Variants in SLC2A13 observed in about 807,000 individuals in gnomAD.
SLC2A13 encodes solute carrier family 2 member 13.
In SLC2A13, 32 loss-of-function variants were observed where a neutral mutation model predicts 64.4. That is an observed-to-expected ratio of 0.50 (90% CI 0.37 to 0.67). SLC2A13 has a LOEUF of 0.67. Ranked by LOEUF, SLC2A13 falls within the 30% of genes least tolerant of loss-of-function variation. The pLI is 0.00. For missense variants in SLC2A13, 743 were observed against 829.2 expected (o/e 0.90, Z 1.28); for synonymous variants, 338 against 327.1 (o/e 1.03, Z -0.36).
At position 39,760,261 on chromosome 12, in the gene SLC2A13, G is replaced by C; in HGVS notation, c.1721-9C>G. On this transcript the variant is annotated splice_polypyrimidine_tract_variant and intron_variant, in intron 9 of 9. Coordinates refer to ENST00000280871, the MANE Select transcript of SLC2A13 (RefSeq NM_052885.4). The stretch of plus-strand genomic sequence containing the variant: ...ATAGAGGAAGAAAGCTCCTGCAACG[G>C]AATATAATAGATACATGAATATGAA... The C allele has an allele frequency of 6.3e-7, 1 of 1,595,838 alleles. No homozygotes were observed. Among genetic ancestry groups the C allele is most frequent in the Non-Finnish European group, 8.6e-7 (1 of 1,166,530 alleles).
At chr12:40,086,687 C>T (rs1938596711) in intron 1 of SLC2A13, among the ~76,000 whole-genome samples, 1 of 152,146 alleles carries the variant, frequency 6.6e-6, no homozygotes, top group Non-Finnish European at 1.5e-5. Context: ...TTGTTGTCTC[C>T]TATCCACAAG....
chr12:39,895,877 TGTATATGCGTGTATATGCAC>T (rs1305166156), intron 4 of SLC2A13, among the ~76,000 whole-genome samples: 28,878 of 122,416 alleles, frequency 0.24, 11,130 homozygotes, highest in East Asian at 0.51. Flanking sequence ...CACACACATA[TGTATATGCGTGTATATGCAC>T]ACACATATGT....
chr12:39,952,923 A>G (rs1451495103), intron 3 of SLC2A13, among the ~76,000 whole-genome samples: 1 of 152,196 alleles, frequency 6.6e-6, no homozygotes, highest in Non-Finnish European at 1.5e-5. Flanking sequence ...AAAATAAGCA[A>G]GGCACTACCT....
At chr12:40,099,421 C>T (rs150895619) in intron 1 of SLC2A13, among the ~76,000 whole-genome samples, 1,640 of 152,252 alleles carry the variant, frequency 0.011, 124 homozygotes, top group Admixed American at 0.095. Flanking sequence ...AAGATGGCAA[C>T]GACTGCTTGC....
In SLC2A13 at chr12:39,759,537, G is replaced by A. The variant is rs1005266409; in HGVS notation, c.*489C>T. The A allele has an allele frequency of 6.5e-6, 1 of 152,960 alleles. No individual in the cohort carries two copies. Among genetic ancestry groups the A allele is most frequent in the African/African-American group, 2.4e-5 (1 of 41,406 alleles). The allele number at this position is 152,960 out of a possible 1,614,324, so 9.5% of individuals were successfully genotyped here. A position where few individuals can be genotyped will look rare whatever the true frequency, so the allele number is the denominator to read the frequency against. Reference sequence around the variant, plus strand: ...TGAAAGCTTACATGGAATTTAGTTTGTAACAGCTGATCAGAGATAAGCCAC... The same window carrying A: ...TGAAAGCTTACATGGAATTTAGTTTATAACAGCTGATCAGAGATAAGCCAC... On this transcript the variant is annotated 3_prime_UTR_variant, in exon 10 of 10. Transcript: ENST00000280871.
intron 7 of SLC2A13, among the ~76,000 whole-genome samples, chr12:39,823,023 A>G (rs947644040): frequency 1.3e-5 from 2 of 152,212 alleles, no homozygotes; most frequent in African/African-American, 4.8e-5. Context: ...AAGGGAGTCT[A>G]AATTTCTGAA....
At chr12:40,078,088 C>T (rs1379372513) in intron 1 of SLC2A13, among the ~76,000 whole-genome samples, 1 of 152,124 alleles carries the variant, frequency 6.6e-6, no homozygotes, top group Admixed American at 6.5e-5. Context: ...ACAATTATAT[C>T]ATCTGTAGAT....
intron 3 of SLC2A13, among the ~76,000 whole-genome samples, chr12:39,999,537 T>A (rs904507928): frequency 2.0e-5 from 3 of 152,130 alleles, no homozygotes; most frequent in Non-Finnish European, 4.4e-5. Flanking sequence ...TCAGGCTAAT[T>A]AGGGTGGGAA....
chr12:39,812,468 T>C (rs1942205680), intron 7 of SLC2A13, among the ~76,000 whole-genome samples: 1 of 151,472 alleles, frequency 6.6e-6, no homozygotes, highest in African/African-American at 2.4e-5. Flanking sequence ...TTCTCCTTTC[T>C]TTCTCCCCTT....
intron 3 of SLC2A13, among the ~76,000 whole-genome samples, chr12:39,988,541 AAAG>A (rs1173321589): frequency 2.7e-5 from 4 of 150,422 alleles, no homozygotes; most frequent in African/African-American, 9.8e-5. Context: ...AAGAAAGAAA[AAAG>A]AAAACAAAGG....
intron 3 of SLC2A13, among the ~76,000 whole-genome samples, chr12:40,027,314 C>T (rs567155055): frequency 6.6e-5 from 10 of 152,164 alleles, no homozygotes; most frequent in Non-Finnish European, 1.0e-4. Context: ...GCTCAAAAAG[C>T]GTTAAAAAAA....
intron 3 of SLC2A13, among the ~76,000 whole-genome samples, chr12:39,986,645 C>A (rs1367966802): frequency 1.3e-5 from 2 of 151,302 alleles, no homozygotes; most frequent in African/African-American, 4.9e-5. Context: ...CTGTATTTAA[C>A]CTGTATTTAA....
In SLC2A13 at chr12:39,830,208, A is replaced by G; in HGVS notation, c.1340T>C (p.Leu447Ser). 6.2e-7 allele frequency: 1 copy of G among 1,613,494 alleles called. No individual in the cohort carries two copies. Reference protein sequence around the residue: ...TRYSYCNECMLDPDCGFCYKM... With the variant: ...TRYSYCNECMSDPDCGFCYKM... ...GTAGCAGAAACCGCAGTCTGGATCC[A>G]ACATACATTCATTACAGTAACTGAA... Residue 447 changes from leucine (L) to serine (S), a missense_variant, in exon 7 of 10, where the codon TTG becomes TCG. Physicochemically the swap from Leu to Ser is moderately radical, Grantham distance 145. Coordinates refer to ENST00000280871, the MANE Select transcript of SLC2A13 (RefSeq NM_052885.4).
At chr12:39,976,751 A>G (rs1408445339) in intron 3 of SLC2A13, among the ~76,000 whole-genome samples, 1 of 152,068 alleles carries the variant, frequency 6.6e-6, no homozygotes, top group African/African-American at 2.4e-5. Context: ...TGGAGAACCA[A>G]ACTGACTTTA....
intron 3 of SLC2A13, among the ~76,000 whole-genome samples, chr12:40,026,120 C>T (rs1592018358): frequency 6.6e-6 from 1 of 152,172 alleles, no homozygotes; most frequent in African/African-American, 2.4e-5. Flanking sequence ...TGCAATAATG[C>T]TCTTAACTGC....
chr12:39,889,600 T>C (rs903662910), intron 4 of SLC2A13, among the ~76,000 whole-genome samples: 1 of 149,016 alleles, frequency 6.7e-6, no homozygotes, highest in African/African-American at 2.5e-5. Flanking sequence ...TAGCACCATC[T>C]TGGCACACCA....
chr12:39,851,551 G>C (rs1420311500), intron 6 of SLC2A13, among the ~76,000 whole-genome samples: 1 of 152,140 alleles, frequency 6.6e-6, no homozygotes, highest in Admixed American at 6.5e-5. Context: ...GTTTGGTCTA[G>C]GCTAAAATTA....
chr12:40,026,632 G>C (rs1404185381), intron 3 of SLC2A13, among the ~76,000 whole-genome samples: 3 of 152,164 alleles, frequency 2.0e-5, no homozygotes, highest in Non-Finnish European at 4.4e-5. Flanking sequence ...CCCTAAACAA[G>C]AAGGCTTTTA....
At chr12:39,970,933 G>A (rs1289594652) in intron 3 of SLC2A13, among the ~76,000 whole-genome samples, 1 of 152,058 alleles carries the variant, frequency 6.6e-6, no homozygotes, top group African/African-American at 2.4e-5. Context: ...TCATGTAACG[G>A]ACTGCATTTT....
Sources: gnomAD v4.1 joint callset for allele counts (sites outside exome capture counted in the v4.1 genomes callset) on GRCh38, gnomAD v4.1.1 for gene constraint, MANE v1.5 for transcripts, NCBI Gene and HGNC (gene_info 2026-07-23, HGNC 2026-07-21) for gene names.